Variants in SNED1 observed in about 807,000 individuals in gnomAD.
SNED1 encodes sushi, nidogen and EGF-like domain-containing protein 1.
In SNED1, 81 loss-of-function variants were observed where a neutral mutation model predicts 166.7. That is an observed-to-expected ratio of 0.49 (90% CI 0.41 to 0.58). SNED1 has a LOEUF of 0.58. Among genes scored for constraint, SNED1 ranks in the 20% least tolerant of loss-of-function variants. The probability of loss-of-function intolerance (pLI) is 0.00; values close to 1 mark genes in which losing one functional copy is unlikely to be tolerated. For missense variants in SNED1, 1,604 were observed against 2,000.2 expected (o/e 0.80, Z 3.78); for synonymous variants, 762 against 822.0 (o/e 0.93, Z 1.25).
intron 1 of SNED1, among the ~76,000 whole-genome samples, chr2:241,022,767 A>G (rs2060809802): frequency 6.6e-6 from 1 of 152,046 alleles, no homozygotes; most frequent in South Asian, 2.1e-4. Context: ...TCTTCCCTCC[A>G]TTGTTTCTTC....
Position 241,073,435 on chromosome 2 carries a change from A to C in SNED1, c.3916+71A>C, listed in dbSNP as rs2062843780. 10 of 1,263,296 alleles carry C rather than the reference A, an allele frequency of 7.9e-6. No individual in the cohort carries two copies. In the East Asian group the frequency reaches 2.5e-4, roughly 32 times the overall value. 78.3% of individuals were successfully genotyped at this position (1,263,296 alleles called of 1,614,324 possible). A position where few individuals can be genotyped will look rare whatever the true frequency, so the allele number is the denominator to read the frequency against. On this transcript the variant is annotated intron_variant, in intron 27 of 31. Coordinates refer to ENST00000310397, the MANE Select transcript of SNED1 (RefSeq NM_001080437.3). The surrounding 1 kb of genome is among the most constrained non-coding windows in gnomAD (Gnocchi z 6.6). ...CTCAGGGGCCTTAGAGGCTGCAGGC[A>C]GGAGGGACCACCCACGGTGAGGAAT... is the stretch of plus-strand genomic sequence containing the variant.
At chr2:241,065,916 G>C (rs58214190) in intron 21 of SNED1, among the ~76,000 whole-genome samples, 3,615 of 152,014 alleles carry the variant, frequency 0.024, 151 homozygotes, top group African/African-American at 0.083. Flanking sequence ...GTCCCTAGAA[G>C]GAGCCAGTGT....
chr2:241,002,687 G>A (rs892773483), intron 1 of SNED1, among the ~76,000 whole-genome samples: 4 of 152,096 alleles, frequency 2.6e-5, no homozygotes, highest in African/African-American at 9.7e-5. Context: ...GGAGCAGGAC[G>A]TCATGCCCAG....
At chr2:241,004,990 G>A (rs538396266) in intron 1 of SNED1, among the ~76,000 whole-genome samples, 67 of 152,010 alleles carry the variant, frequency 4.4e-4, no homozygotes, top group African/African-American at 1.5e-3. Context: ...CAAAGTGCTG[G>A]GATTACAGAT....
At chr2:241,070,606 C>T (rs1296812181) in intron 24 of SNED1, among the ~76,000 whole-genome samples, 1 of 152,224 alleles carries the variant, frequency 6.6e-6, no homozygotes, top group Non-Finnish European at 1.5e-5. Flanking sequence ...CAGGAGGCCA[C>T]AGGCAGGGGC....
intron 8 of SNED1, among the ~76,000 whole-genome samples, chr2:241,041,839 T>C (rs2125048717): frequency 6.6e-6 from 1 of 151,626 alleles, no homozygotes; most frequent in East Asian, 1.9e-4. Flanking sequence ...CAAAAAAGAG[T>C]CTCTAGTCTT....
At chr2:241,031,668 A>G (rs550923922) in intron 2 of SNED1, among the ~76,000 whole-genome samples, 15 of 152,204 alleles carry the variant, frequency 9.9e-5, no homozygotes, top group Non-Finnish European at 2.1e-4. Context: ...GAGCCCCACC[A>G]TGGGCCCTTA....
At chr2:241,037,436 G>C in intron 6 of SNED1, 83 bp downstream of exon 6, 1 of 974,244 alleles carries the variant, frequency 1.0e-6, no homozygotes, top group Non-Finnish European at 1.6e-6. Context: ...TGAGGTCTTG[G>C]AAGGTCCAGC....
rs376698613 is a variant in SNED1 at position 241,068,912 on chromosome 2, G to T, written c.3196G>T (p.Ala1066Ser). 7.7e-6 allele frequency: 12 copies of T among 1,548,674 alleles called. No individual in the cohort carries two copies. The highest frequency in any genetic ancestry group is 1.4e-5 in the African/African-American group (1 of 73,000). The change falls in exon 23 of 32, where the codon GCC becomes TCC. Residue 1066 changes from alanine to serine, a missense_variant and splice_region_variant. By Grantham distance (99) the Ala-to-Ser change is moderately conservative. Transcript: ENST00000310397. This position sits in a 1 kb window ranked among gnomAD's most constrained non-coding sequence, Gnocchi z 5.3. ...DRSVDRFTFR[A>S]LLPGKRYTIQ... ...CTCTTTGTCACCTCCTGCCCACAGG[G>T]CCCTGCTGCCTGGGAAGAGGTACAC... is the stretch of plus-strand genomic sequence containing the variant.
chr2:241,072,994 A>T (rs958339037), intron 26 of SNED1: 1 of 492,798 alleles, frequency 2.0e-6, no homozygotes, highest in East Asian at 3.1e-5. Context: ...GGGGCCTCTC[A>T]GCATGATCAG....
intron 16 of SNED1, 106 bp downstream of exon 16, chr2:241,053,432 T>C: frequency 8.6e-7 from 1 of 1,162,076 alleles, no homozygotes; most frequent in Non-Finnish European, 1.2e-6. Flanking sequence ...GATGCCCAGC[T>C]CTGACCTGGT....
Position 241,064,787 on chromosome 2 carries a change from T to C in SNED1, c.2600-57T>C, listed in dbSNP as rs555340915. On this transcript the variant is annotated intron_variant, in intron 19 of 31. Transcript: ENST00000310397. This position sits in a 1 kb window ranked among gnomAD's most constrained non-coding sequence, Gnocchi z 7.0. ...AGTGCCCCAGGAGCAAGGGCGGGGCTGGAGCAGGGACCCCTGGCCACGCCC... is the reference window on the plus strand; with the variant it reads ...AGTGCCCCAGGAGCAAGGGCGGGGCCGGAGCAGGGACCCCTGGCCACGCCC... 2.8e-5 allele frequency: 36 copies of C among 1,293,128 alleles called. No homozygotes were observed. The African/African-American group carries it at 5.3e-4, about 19-fold the overall frequency. 80.1% of individuals were successfully genotyped at this position (1,293,128 alleles called of 1,614,324 possible). A position where few individuals can be genotyped will look rare whatever the true frequency, so the allele number is the denominator to read the frequency against.
intron 1 of SNED1, 131 bp from the exon 2 acceptor site, chr2:241,030,153 C>T: frequency 1.2e-6 from 1 of 862,566 alleles, no homozygotes; most frequent in Non-Finnish European, 1.8e-6. Flanking sequence ...GTCAGGCCAC[C>T]CTGGGGATAC....
In SNED1 at chr2:241,064,874, G is replaced by A; in HGVS notation, c.2630G>A (p.Gly877Glu). 1.3e-6 allele frequency: 2 copies of A among 1,590,858 alleles called. No individual in the cohort carries two copies. Among genetic ancestry groups the A allele is most frequent in the Non-Finnish European group, 1.7e-6 (2 of 1,173,142 alleles). The change falls in exon 20 of 32, where the codon GGG becomes GAG. Residue 877 changes from glycine to glutamate, a missense_variant. Around this residue, in one of 2 missense-constraint regions of SNED1, gnomAD observed 1,237 missense variants for 1,620.8 expected, o/e 0.76. Coordinates refer to ENST00000310397, the MANE Select transcript of SNED1 (RefSeq NM_001080437.3). The surrounding 1 kb of genome is among the most constrained non-coding windows in gnomAD (Gnocchi z 7.0). The stretch of plus-strand genomic sequence containing the variant: ...GACCCCTGCTTCTCCAGCCCCTGTG[G>A]GGGCCGTGGCTATTGCCTGGCCAGC... ...VSDPCFSSPC[G>E]GRGYCLASNG... is the part of the protein sequence containing the mutation.
At chr2:241,017,775 G>A (rs1479961426) in intron 1 of SNED1, among the ~76,000 whole-genome samples, 1 of 152,218 alleles carries the variant, frequency 6.6e-6, no homozygotes, top group African/African-American at 2.4e-5. Context: ...AGGGGCCCAG[G>A]CACAGCCAGC....
chr2:241,051,132 G>C lies in SNED1; in HGVS notation c.1736-612G>C, dbSNP rs1038731168. 1.3e-5 allele frequency: 2 copies of C among 152,382 alleles called. No individual in the cohort carries two copies. The highest frequency in any genetic ancestry group is 2.9e-5 in the Non-Finnish European group (2 of 68,168). 9.4% of individuals were successfully genotyped at this position (152,382 alleles called of 1,614,324 possible). A position where few individuals can be genotyped will look rare whatever the true frequency, so the allele number is the denominator to read the frequency against. On this transcript the variant is annotated intron_variant, in intron 12 of 31. Transcript: ENST00000310397. The surrounding 1 kb of genome is among the most constrained non-coding windows in gnomAD (Gnocchi z 4.7). ...CCTCCCGCCACTCAGAACACCCAGG[G>C]GTCCAAGGATTCGGCACTCCTCACT...
rs996248037 is a variant in SNED1 at position 240,998,924 on chromosome 2, C to G, written c.87C>G (p.Ala29=). 1.5e-5 allele frequency: 19 copies of G among 1,258,476 alleles called. No homozygotes were observed. The African/African-American group carries it at 2.7e-4, about 18-fold the overall frequency. 78.0% of individuals were successfully genotyped at this position (1,258,476 alleles called of 1,614,324 possible). ...GGGTGCGCGGCGCGGTGGCCCTTGCCGACTTCTACCCGTTCGGCGCCGAGC... is the reference window on the plus strand; with the variant it reads ...GGGTGCGCGGCGCGGTGGCCCTTGCGGACTTCTACCCGTTCGGCGCCGAGC... ...ARGVRGAVAL[A]DFYPFGAERG... Residue 29 remains alanine, a synonymous_variant, in exon 1 of 32, where the codon GCC becomes GCG. Transcript: ENST00000310397.
chr2:241,001,571 G>A (rs774004669), intron 1 of SNED1, among the ~76,000 whole-genome samples: 6 of 152,226 alleles, frequency 3.9e-5, no homozygotes, highest in African/African-American at 1.4e-4. Context: ...GGAGTGTGGC[G>A]TGCTGAGGAG....
chr2:241,036,923 A>T lies in SNED1; in HGVS notation c.931+8A>T. On this transcript the variant is annotated splice_region_variant and intron_variant, in intron 5 of 31. Transcript: ENST00000310397. The stretch of plus-strand genomic sequence containing the variant: ...GGCGGAGGTGCCACCTGGGTGAGTG[A>T]CTGGCCCAGGGCGGGACCACCCGCT... 1 of 1,607,416 alleles carries T rather than the reference A, an allele frequency of 6.2e-7. No individual in the cohort carries two copies. The highest frequency in any genetic ancestry group is 1.7e-4 in the Middle Eastern group (1 of 6,050).
Sources: allele counts gnomAD v4.1 joint callset (sites outside exome capture counted in the v4.1 genomes callset), GRCh38; gene constraint gnomAD v4.1.1; regional missense constraint gnomAD v4.1.1; non-coding constraint Gnocchi (gnomAD v3.1); transcripts MANE v1.5; gene names NCBI Gene and HGNC (gene_info 2026-07-23, HGNC 2026-07-21).